The following RIGI variants were observed in gnomAD, a reference collection of about 807,000 sequenced individuals.
RIGI encodes the protein antiviral innate immune response receptor RIG-I.
the RIGI span, among the ~76,000 whole-genome samples, chr9:32,524,044 A>C: frequency 1.3e-5 from 2 of 152,054 alleles, no homozygotes; most frequent in Admixed American, 6.5e-5. Context: ...TTTAGACCTC[A>C]GTTCAAATGC....
At chr9:32,514,058 TA>T in the RIGI span, among the ~76,000 whole-genome samples, 3 of 152,106 alleles carry the variant, frequency 2.0e-5, no homozygotes, top group African/African-American at 7.2e-5. Context: ...TGGCAATCAT[TA>T]AAAAGTCAGG....
chr9:32,484,167 C>T, the RIGI span, among the ~76,000 whole-genome samples: 5 of 152,094 alleles, frequency 3.3e-5, no homozygotes, highest in African/African-American at 9.6e-5. Context: ...AGGTTAGAGG[C>T]GTGAAGATTA....
the RIGI span, among the ~76,000 whole-genome samples, chr9:32,512,388 T>A: frequency 6.6e-6 from 1 of 152,186 alleles, no homozygotes; most frequent in African/African-American, 2.4e-5. Flanking sequence ...GTCTGCTTCA[T>A]CCCTGGGATA....
chr9:32,492,477 G>C, the RIGI span: 2 of 1,614,124 alleles, frequency 1.2e-6, no homozygotes, highest in Non-Finnish European at 1.7e-6. Context: ...TTCCTTGTCT[G>C]ATCTGAGAAG....
the RIGI span, chr9:32,526,081 A>T: frequency 6.2e-7 from 1 of 1,613,578 alleles, no homozygotes; most frequent in African/African-American, 1.3e-5. Flanking sequence ...CCAGGGGGCC[A>T]TGTAGCTCAG....
the RIGI span, among the ~76,000 whole-genome samples, chr9:32,471,875 C>G: frequency 6.6e-6 from 1 of 152,076 alleles, no homozygotes; most frequent in African/African-American, 2.4e-5. Context: ...AGATCTGAAT[C>G]TACTTTTCAT....
At chr9:32,494,646 C>A in the RIGI span, among the ~76,000 whole-genome samples, 18 of 152,164 alleles carry the variant, frequency 1.2e-4, no homozygotes, top group South Asian at 2.9e-3. Flanking sequence ...TTTCACCTTG[C>A]AAATCTAAAA....
the RIGI span, among the ~76,000 whole-genome samples, chr9:32,523,466 A>C: frequency 6.6e-6 from 1 of 152,000 alleles, no homozygotes; most frequent in Non-Finnish European, 1.5e-5. Context: ...CTCTTCCCAC[A>C]TTTCCTATCT....
the RIGI span, among the ~76,000 whole-genome samples, chr9:32,486,489 A>G: frequency 4.0e-5 from 6 of 151,828 alleles, no homozygotes; most frequent in African/African-American, 9.7e-5. Flanking sequence ...AGTACACGCA[A>G]AGTGTCACAA....
chr9:32,473,046 T>TCAATC, the RIGI span: 1 of 1,608,748 alleles, frequency 6.2e-7, no homozygotes, highest in Non-Finnish European at 8.5e-7. Flanking sequence ...AGGATTTCCT[T>TCAATC]CAATCCAATT....
the RIGI span, among the ~76,000 whole-genome samples, chr9:32,510,683 C>G: frequency 6.6e-6 from 1 of 152,156 alleles, no homozygotes; most frequent in African/African-American, 2.4e-5. Context: ...CATCAACTAA[C>G]AGGCAAAATA....
the RIGI span, among the ~76,000 whole-genome samples, chr9:32,498,808 C>T: frequency 6.6e-6 from 1 of 151,876 alleles, no homozygotes; most frequent in Non-Finnish European, 1.5e-5. Flanking sequence ...TGTGGCAAAA[C>T]CCCATCTCTA....
At chr9:32,489,773 G>T in the RIGI span, among the ~76,000 whole-genome samples, 1 of 152,170 alleles carries the variant, frequency 6.6e-6, no homozygotes, top group Non-Finnish European at 1.5e-5. Flanking sequence ...AGGCAATGCT[G>T]TATGTGAAAA....
At chr9:32,495,029 G>T in the RIGI span, among the ~76,000 whole-genome samples, 1 of 151,892 alleles carries the variant, frequency 6.6e-6, no homozygotes, top group Non-Finnish European at 1.5e-5. Context: ...CAATTCTTTT[G>T]GAAATACACC....
the RIGI span, chr9:32,487,794 CA>C: frequency 7.9e-7 from 1 of 1,272,746 alleles, no homozygotes; most frequent in Admixed American, 2.5e-5. Flanking sequence ...ACTAAGTGAA[CA>C]AATGAATAAA....
At chr9:32,499,308 T>A in the RIGI span, among the ~76,000 whole-genome samples, 1 of 109,832 alleles carries the variant, frequency 9.1e-6, no homozygotes, top group East Asian at 2.1e-4. Context: ...TCCCAGAGTT[T>A]GTGATTTGTT....
the RIGI span, chr9:32,487,375 G>C: frequency 8.3e-7 from 1 of 1,207,838 alleles, no homozygotes. Flanking sequence ...ACTAAACAGA[G>C]AGAGGGTCAA....
At chr9:32,470,620 A>C in the RIGI span, among the ~76,000 whole-genome samples, 1 of 152,116 alleles carries the variant, frequency 6.6e-6, no homozygotes, top group South Asian at 2.1e-4. Flanking sequence ...TACTATTATT[A>C]TTTTTCCATT....
At chr9:32,504,061 A>ACACACACACACACACACACACACACC in the RIGI span, among the ~76,000 whole-genome samples, 2 of 151,794 alleles carry the variant, frequency 1.3e-5, no homozygotes, top group Non-Finnish European at 2.9e-5. Context: ...ACACACACAC[A>ACACACACACACACACACACACACACC]CACACACCCA....
Sources: gnomAD v4.1 joint callset for allele counts (sites outside exome capture counted in the v4.1 genomes callset) on GRCh38, gnomAD v4.1.1 for gene constraint, MANE v1.5 for transcripts, NCBI Gene and HGNC (gene_info 2026-07-23, HGNC 2026-07-21) for gene names.